The following RAD51B variants were observed in gnomAD, a reference collection of about 807,000 sequenced individuals.
RAD51B encodes DNA repair protein RAD51 homolog 2.
In RAD51B, 38 loss-of-function variants were observed where a neutral mutation model predicts 42.2. The ratio of observed to expected loss-of-function variants is 0.90; its 90% CI spans 0.70 to 1.18. The LOEUF (loss-of-function observed/expected upper bound fraction) is 1.18, where lower values mean the gene tolerates loss of function less well. Among genes scored for constraint, RAD51B ranks in the 50% most tolerant of loss-of-function variants. RAD51B has a pLI of 0.00. For synonymous variants in RAD51B, 154 were observed against 145.2 expected (o/e 1.06, Z -0.43); for missense variants, 373 against 400.7 (o/e 0.93, Z 0.59).
In RAD51B at chr14:68,013,520, G is replaced by C. The variant is rs181403070; in HGVS notation, c.756+126316G>C. Among the ~76,000 whole-genome samples, 352 of 152,214 alleles carry C rather than the reference G, an allele frequency of 2.3e-3. 1 individual carries two copies. The highest frequency in any genetic ancestry group is 8.2e-3 in the African/African-American group (341 of 41,540). ...AATGATATTACTTTATTTAATAATT[G>C]CTTATGTAGCATTTAATCTATATGC... On this transcript the variant is annotated intron_variant, in intron 7 of 10. Transcript: ENST00000471583.
At chr14:67,886,096 T>A in intron 6 of RAD51B, 108 bp downstream of exon 6, 1 of 923,824 alleles carries the variant, frequency 1.1e-6, no homozygotes, top group Non-Finnish European at 1.5e-6. Flanking sequence ...TAGAATTATG[T>A]GGAGTAACTT....
intron 7 of RAD51B, among the ~76,000 whole-genome samples, chr14:67,902,838 G>T (rs2043656602): frequency 1.3e-5 from 2 of 152,054 alleles, no homozygotes; most frequent in Admixed American, 1.3e-4. Flanking sequence ...GGATTTACAG[G>T]CACCTTTGAG....
At chr14:68,535,335 G>C (rs902874398) in intron 10 of RAD51B, among the ~76,000 whole-genome samples, 14 of 152,216 alleles carry the variant, frequency 9.2e-5, no homozygotes, top group South Asian at 2.1e-4. Flanking sequence ...TATTGTGATT[G>C]TGATCAAGGC....
At chr14:68,426,382 GGCCATTCT>G (rs1344473782) in intron 9 of RAD51B, among the ~76,000 whole-genome samples, 1 of 152,106 alleles carries the variant, frequency 6.6e-6, no homozygotes, top group Non-Finnish European at 1.5e-5. Context: ...GGTCAGTAAA[GGCCATTCT>G]GATGAGGTAT....
At chr14:68,584,066 GC>G (rs35946632) in intron 10 of RAD51B, among the ~76,000 whole-genome samples, 2 of 151,944 alleles carry the variant, frequency 1.3e-5, no homozygotes, top group East Asian at 1.9e-4. Flanking sequence ...ATGCCCAGGC[GC>G]CCCCCCACCC....
intron 8 of RAD51B, among the ~76,000 whole-genome samples, chr14:68,394,096 C>T (rs969676797): frequency 3.9e-5 from 6 of 152,144 alleles, no homozygotes; most frequent in Non-Finnish European, 1.5e-5. Context: ...ACATCTTCTG[C>T]AGGTGTAGGG....
At chr14:67,972,183 G>A (rs1595186576) in intron 7 of RAD51B, among the ~76,000 whole-genome samples, 1 of 151,828 alleles carries the variant, frequency 6.6e-6, no homozygotes, top group East Asian at 1.9e-4. Context: ...TACCTCAGGT[G>A]GTGTCAGATA....
At chr14:68,197,380 G>C (rs374489018) in intron 7 of RAD51B, among the ~76,000 whole-genome samples, 2 of 152,042 alleles carry the variant, frequency 1.3e-5, no homozygotes, top group South Asian at 2.1e-4. Context: ...TTTTAGTAAT[G>C]AGTAGTATGC....
intron 7 of RAD51B, among the ~76,000 whole-genome samples, chr14:67,989,653 AAAAAG>A (rs2083202697): frequency 6.6e-6 from 1 of 150,792 alleles, no homozygotes; most frequent in Admixed American, 6.6e-5. Context: ...AAAAAAAAAA[AAAAAG>A]AAAGAAAGAA....
intron 7 of RAD51B, among the ~76,000 whole-genome samples, chr14:67,934,209 C>T (rs377687127): frequency 1.3e-5 from 2 of 152,168 alleles, no homozygotes; most frequent in South Asian, 2.1e-4. Context: ...TGTGAATACT[C>T]CATTGCTCAC....
chr14:67,895,003 G>T (rs915871680), intron 7 of RAD51B, among the ~76,000 whole-genome samples: 4 of 152,038 alleles, frequency 2.6e-5, no homozygotes, highest in Non-Finnish European at 4.4e-5. Context: ...TTGAACTCCT[G>T]GGCTGAAGCA....
intron 10 of RAD51B, among the ~76,000 whole-genome samples, chr14:68,588,357 A>G (rs1038045146): frequency 2.0e-5 from 3 of 152,174 alleles, no homozygotes; most frequent in East Asian, 3.8e-4. Flanking sequence ...CCCCAAGGCA[A>G]CTACCTAGGA....
chr14:68,023,997 T>G (rs1383228098), intron 7 of RAD51B, among the ~76,000 whole-genome samples: 1 of 152,202 alleles, frequency 6.6e-6, no homozygotes, highest in Non-Finnish European at 1.5e-5. Flanking sequence ...ACTTAAATAT[T>G]TAATCTACCC....
downstream of RAD51B, among the ~76,000 whole-genome samples, chr14:68,599,951 G>A (rs1891152378): frequency 6.6e-6 from 1 of 152,190 alleles, no homozygotes. Context: ...GTCTCTCAGA[G>A]AGCCTAATCA....
intron 7 of RAD51B, among the ~76,000 whole-genome samples, chr14:67,944,072 T>G (rs1333085877): frequency 2.6e-5 from 4 of 152,102 alleles, no homozygotes; most frequent in African/African-American, 4.8e-5. Flanking sequence ...GACTTAGTTT[T>G]TAAAGAAAAC....
chr14:68,077,562 ATCACAAGCT>A (rs2076853083), intron 7 of RAD51B, among the ~76,000 whole-genome samples: 1 of 152,240 alleles, frequency 6.6e-6, no homozygotes, highest in African/African-American at 2.4e-5. Flanking sequence ...CTAAAAGACC[ATCACAAGCT>A]CATACTCCGA....
intron 7 of RAD51B, among the ~76,000 whole-genome samples, chr14:68,166,508 C>A (rs1481165436): frequency 1.3e-5 from 2 of 151,902 alleles, no homozygotes; most frequent in African/African-American, 4.8e-5. Context: ...GTTATCTGTA[C>A]CAAATTTTCA....
intron 7 of RAD51B, among the ~76,000 whole-genome samples, chr14:68,267,793 A>G (rs916877828): frequency 6.6e-6 from 1 of 152,252 alleles, no homozygotes; most frequent in African/African-American, 2.4e-5. Flanking sequence ...TTGTGTATGA[A>G]TATCATATAA....
chr14:68,561,566 T>A (rs1334894161), intron 10 of RAD51B, among the ~76,000 whole-genome samples: 2 of 152,130 alleles, frequency 1.3e-5, no homozygotes, highest in African/African-American at 4.8e-5. Flanking sequence ...ACCAGGTAGG[T>A]CAAGGCCTGG....
Sources: allele counts gnomAD v4.1 joint callset (sites outside exome capture counted in the v4.1 genomes callset), GRCh38; gene constraint gnomAD v4.1.1; transcripts MANE v1.5; gene names NCBI Gene and HGNC (gene_info 2026-07-23, HGNC 2026-07-21).